Variants in ANO3 observed in about 807,000 individuals in gnomAD.
The protein encoded by ANO3 is anoctamin 3.
A neutral mutation model predicts 144.8 loss-of-function variants in ANO3; 99 were observed. That is an observed-to-expected ratio of 0.68 (90% CI 0.58 to 0.81). The LOEUF (loss-of-function observed/expected upper bound fraction) is 0.81. Ranked by LOEUF, ANO3 falls within the 30% of genes least tolerant of loss-of-function variation. The pLI, the probability that ANO3 is intolerant of heterozygous loss-of-function variation, is 0.00. For missense variants in ANO3, 905 were observed against 1,202.2 expected, an observed-to-expected ratio of 0.75 and a Z score of 3.66; for synonymous variants, 414 against 392.6, an observed-to-expected ratio of 1.05 and a Z score of -0.64.
At chr11:26,474,208 G>A (rs1477346423) in intron 4 of ANO3, 1 of 565,518 alleles carries the variant, frequency 1.8e-6, no homozygotes, top group Non-Finnish European at 2.2e-6. Context: ...AGCCAATTGA[G>A]AGAAATTAAT....
In ANO3 at chr11:26,437,490, G is replaced by A. The variant is rs112664148; in HGVS notation, c.47-4428G>A. ...TGTGTCACTCAGGGGTGGGTAGTCA[G>A]ATAGTCATCCTGTCTTGATTTTCTC... On this transcript the variant is annotated intron_variant, in intron 1 of 26. Transcript: ENST00000256737. 1.1e-3 allele frequency among the ~76,000 whole-genome samples: 163 copies of A among 152,308 alleles called. 1 individual carries two copies. The highest frequency in any genetic ancestry group is 3.8e-3 in the African/African-American group (158 of 41,576).
chr11:26,597,589 A>C (rs1851672636), intron 14 of ANO3, among the ~76,000 whole-genome samples: 1 of 152,156 alleles, frequency 6.6e-6, no homozygotes, highest in Non-Finnish European at 1.5e-5. Context: ...CGTAACAAAC[A>C]CGGACCAGAA....
intron 5 of ANO3, among the ~76,000 whole-genome samples, chr11:26,510,682 C>T (rs982508772): frequency 2.1e-4 from 32 of 152,194 alleles, no homozygotes; most frequent in African/African-American, 7.7e-4. Context: ...AACTCACTGC[C>T]TTGACTAAAT....
chr11:26,395,661 CTT>C (rs976721669), intron 1 of ANO3, among the ~76,000 whole-genome samples: 3 of 152,124 alleles, frequency 2.0e-5, no homozygotes, highest in African/African-American at 7.2e-5. Flanking sequence ...ACCATCTGAT[CTT>C]TGACAAACCT....
intron 1 of ANO3, among the ~76,000 whole-genome samples, chr11:26,409,393 A>C (rs562314245): frequency 1.2e-3 from 176 of 152,062 alleles, no homozygotes; most frequent in Non-Finnish European, 1.9e-3. Flanking sequence ...ACATGTTTTC[A>C]TGTAAATGAA....
At chr11:26,369,905 C>G (rs1412912346) in intron 1 of ANO3, among the ~76,000 whole-genome samples, 1 of 152,060 alleles carries the variant, frequency 6.6e-6, no homozygotes, top group African/African-American at 2.4e-5. Context: ...TTTCCTGAAC[C>G]CTGCTGAGTA....
intron 1 of ANO3, among the ~76,000 whole-genome samples, chr11:26,297,518 T>C (rs928611345): frequency 6.6e-6 from 1 of 152,206 alleles, no homozygotes; most frequent in Non-Finnish European, 1.5e-5. Context: ...TTCAGACAGA[T>C]TTACTGGTGC....
At chr11:26,499,877 G>T (rs1861122508) in intron 4 of ANO3, among the ~76,000 whole-genome samples, 1 of 151,690 alleles carries the variant, frequency 6.6e-6, no homozygotes. Flanking sequence ...ATATTCATAG[G>T]ATTGTGCAAC....
At chr11:26,565,845 G>T (rs956299029) in intron 14 of ANO3, 1 of 1,612,424 alleles carries the variant, frequency 6.2e-7, no homozygotes, top group African/African-American at 1.3e-5. Context: ...CAGAATTTTG[G>T]CTAAGGCCAA....
At chr11:26,556,704 C>T (rs1223013771) in intron 13 of ANO3, among the ~76,000 whole-genome samples, 1 of 150,962 alleles carries the variant, frequency 6.6e-6, no homozygotes, top group African/African-American at 2.4e-5. Context: ...CTGCCCAGGT[C>T]CAGCAAATAA....
chr11:26,638,949 A>C (rs955412863), intron 20 of ANO3, among the ~76,000 whole-genome samples, 195 bp from the exon 21 acceptor site: 1 of 152,102 alleles, frequency 6.6e-6, no homozygotes, highest in African/African-American at 2.4e-5. Context: ...ATTTTGATTG[A>C]TATTTCGTTA....
intron 2 of ANO3, 142 bp downstream of exon 2, chr11:26,442,254 A>G (rs1015292835): frequency 1.3e-6 from 1 of 778,098 alleles, no homozygotes; most frequent in South Asian, 1.9e-5. Flanking sequence ...CCAGTACACC[A>G]TGCCATTTGT....
intron 17 of ANO3, among the ~76,000 whole-genome samples, chr11:26,612,918 T>A (rs975968786): frequency 6.6e-6 from 1 of 152,140 alleles, no homozygotes; most frequent in African/African-American, 2.4e-5. Flanking sequence ...TCTTGCAGAT[T>A]TTGGAATCTT....
chr11:26,339,005 C>T (rs1855276515), intron 1 of ANO3, among the ~76,000 whole-genome samples: 1 of 152,204 alleles, frequency 6.6e-6, no homozygotes, highest in South Asian at 2.1e-4. Flanking sequence ...TTATTTTATA[C>T]TCCCTAAGGC....
At chr11:26,418,999 G>A (rs999969071) in intron 1 of ANO3, among the ~76,000 whole-genome samples, 9 of 152,062 alleles carry the variant, frequency 5.9e-5, no homozygotes, top group Non-Finnish European at 1.3e-4. Context: ...CTAAAATTCG[G>A]TAATTTATGA....
chr11:26,590,999 C>G (rs1851434264), intron 14 of ANO3, among the ~76,000 whole-genome samples: 1 of 152,292 alleles, frequency 6.6e-6, no homozygotes, highest in East Asian at 1.9e-4. Flanking sequence ...GTCCCTCCCC[C>G]ACGCTCTCAG....
At chr11:26,214,518 C>G (rs901306119) in intron 1 of ANO3, among the ~76,000 whole-genome samples, 1 of 151,934 alleles carries the variant, frequency 6.6e-6, no homozygotes, top group African/African-American at 2.4e-5. Flanking sequence ...TCCCCAATAT[C>G]AGAAATAGTT....
intron 14 of ANO3, chr11:26,560,947 G>A (rs1263577296): frequency 2.0e-6 from 2 of 975,636 alleles, no homozygotes; most frequent in African/African-American, 3.4e-5. Flanking sequence ...CTGCTTTTAT[G>A]ATTCTCCTTG....
At chr11:26,324,056 A>G (rs186035433) in intron 1 of ANO3, among the ~76,000 whole-genome samples, 5 of 152,326 alleles carry the variant, frequency 3.3e-5, no homozygotes, top group Admixed American at 2.6e-4. Context: ...TCTGACTCAG[A>G]GCTTGGTAGA....
Sources: gnomAD v4.1 joint callset for allele counts (sites outside exome capture counted in the v4.1 genomes callset) on GRCh38, gnomAD v4.1.1 for gene constraint, MANE v1.5 for transcripts, NCBI Gene and HGNC (gene_info 2026-07-23, HGNC 2026-07-21) for gene names.